TSG101: variants seen among roughly 807,000 people sequenced by gnomAD.
TSG101 encodes the protein tumor susceptibility gene 101 protein.
A neutral mutation model predicts 48.5 loss-of-function variants in TSG101; 19 were observed. The observed-to-expected ratio is 0.39, with a 90% CI of 0.27 to 0.58. TSG101 has a LOEUF of 0.58. Ranked by LOEUF, TSG101 falls within the 20% of genes least tolerant of loss-of-function variation. The pLI is 0.55. For missense variants in TSG101, 365 were observed against 484.4 expected (o/e 0.75, Z 2.31); for synonymous variants, 174 against 169.4 (o/e 1.03, Z -0.21).
chr11:18,496,228 C>G (rs1257174794), intron 7 of TSG101, among the ~76,000 whole-genome samples: 1 of 151,882 alleles, frequency 6.6e-6, no homozygotes, highest in East Asian at 1.9e-4. Context: ...CTTTGGGAGG[C>G]CGAGGCAGGT....
chr11:18,486,465 G>C (rs187188272), intron 7 of TSG101, among the ~76,000 whole-genome samples: 18 of 152,202 alleles, frequency 1.2e-4, no homozygotes, highest in African/African-American at 4.1e-4. Context: ...AAGCCCCTTC[G>C]GCAGTTAAAT....
chr11:18,523,748 C>A (rs1297792969), intron 1 of TSG101, among the ~76,000 whole-genome samples: 4 of 152,200 alleles, frequency 2.6e-5, no homozygotes, highest in Non-Finnish European at 1.5e-5. Flanking sequence ...GTGATCCGCC[C>A]ACCTCAGCCT....
At chr11:18,490,658 AAC>A (rs576998535) in intron 7 of TSG101, 37 of 446,728 alleles carry the variant, frequency 8.3e-5, no homozygotes, top group Non-Finnish European at 1.5e-4. Context: ...ATATTTGTCC[AAC>A]AGCTCCAGAA....
At chr11:18,521,070 T>C (rs1031419699) in intron 1 of TSG101, among the ~76,000 whole-genome samples, 1 of 152,044 alleles carries the variant, frequency 6.6e-6, no homozygotes, top group Non-Finnish European at 1.5e-5. Context: ...ATTTTTCTCC[T>C]CTTCTCTGGT....
At chr11:18,499,153 G>A (rs1307466289) in intron 7 of TSG101, among the ~76,000 whole-genome samples, 3 of 146,416 alleles carry the variant, frequency 2.0e-5, no homozygotes, top group African/African-American at 5.0e-5. Flanking sequence ...ACATCCAATA[G>A]TGGTGGCAGG....
chr11:18,522,074 G>C (rs1267466215), intron 1 of TSG101, among the ~76,000 whole-genome samples: 1 of 152,076 alleles, frequency 6.6e-6, no homozygotes, highest in East Asian at 1.9e-4. Flanking sequence ...TTGCTGGTTC[G>C]TTCTCTTATC....
At chr11:18,506,763 A>T in intron 6 of TSG101, 94 bp downstream of exon 6, 1 of 988,852 alleles carries the variant, frequency 1.0e-6, no homozygotes, top group Non-Finnish European at 1.5e-6. Context: ...TTGCAATTAA[A>T]TTTATTTTAA....
At chr11:18,506,948 TA>T in intron 5 of TSG101, 25 bp from the exon 6 acceptor site, 2 of 1,590,358 alleles carry the variant, frequency 1.3e-6, no homozygotes, top group Non-Finnish European at 1.7e-6. Flanking sequence ...TTTCACATTG[TA>T]AAAATAATAT....
chr11:18,520,063 A>AC (rs1012773461), intron 1 of TSG101, among the ~76,000 whole-genome samples: 1 of 151,858 alleles, frequency 6.6e-6, no homozygotes, highest in Non-Finnish European at 1.5e-5. Flanking sequence ...TTTAGCAATC[A>AC]CCCCCCATTC....
chr11:18,496,473 A>C (rs1849782336), intron 7 of TSG101, among the ~76,000 whole-genome samples: 1 of 147,270 alleles, frequency 6.8e-6, no homozygotes, highest in Admixed American at 6.8e-5. Context: ...AAAATAAAAT[A>C]AAATAAAATA....
intron 3 of TSG101, among the ~76,000 whole-genome samples, chr11:18,515,433 T>A (rs985642926): frequency 6.6e-6 from 1 of 152,158 alleles, no homozygotes; most frequent in African/African-American, 2.4e-5. Flanking sequence ...AAAAACAAAA[T>A]GGTCTCTCAT....
intron 6 of TSG101, among the ~76,000 whole-genome samples, chr11:18,503,945 T>C (rs1407015033): frequency 6.6e-6 from 1 of 152,186 alleles, no homozygotes; most frequent in African/African-American, 2.4e-5. Context: ...GGATCACACC[T>C]GTAATCCTAG....
intron 1 of TSG101, 112 bp from the exon 2 acceptor site, chr11:18,519,715 G>C (rs1328977380): frequency 2.7e-6 from 2 of 737,702 alleles, no homozygotes; most frequent in South Asian, 1.9e-5. Flanking sequence ...ATGAAAGCCT[G>C]AAAGAACCTA....
intron 4 of TSG101, among the ~76,000 whole-genome samples, chr11:18,514,016 G>A (rs1292697790): frequency 6.6e-6 from 1 of 151,968 alleles, no homozygotes; most frequent in African/African-American, 2.4e-5. Context: ...CCTGGGAGGT[G>A]GAGGTTGTAA....
At chr11:18,525,613 C>T (rs958666476) in intron 1 of TSG101, 9 of 838,864 alleles carry the variant, frequency 1.1e-5, no homozygotes, top group African/African-American at 1.9e-5. Context: ...AACAATATAC[C>T]GTTTTTTTCA....
At chr11:18,488,794 G>C (rs1022942684) in intron 7 of TSG101, among the ~76,000 whole-genome samples, 1 of 152,104 alleles carries the variant, frequency 6.6e-6, no homozygotes, top group African/African-American at 2.4e-5. Context: ...CAGAAATTTA[G>C]AGAGGAGGGA....
At chr11:18,483,717 A>G in intron 8 of TSG101, 153 bp downstream of exon 8, 1 of 775,792 alleles carries the variant, frequency 1.3e-6, no homozygotes, top group Non-Finnish European at 2.0e-6. Flanking sequence ...GCTCCACTGT[A>G]AACAAAGGTA....
rs541941128 is a variant in TSG101, at chr11:18,496,500, A to C, written c.640+5986T>G. Among the ~76,000 whole-genome samples the C allele has an allele frequency of 2.0e-3, 271 of 137,114 alleles. 4 individuals carry two copies. Among genetic ancestry groups the C allele is most frequent in the East Asian group, 6.1e-3 (24 of 3,954 alleles). The allele number at this position is 137,114 out of a possible 152,430, so 90.0% of individuals were successfully genotyped here. On this transcript the variant is annotated intron_variant, in intron 7 of 9. Transcript: ENST00000251968. Reference sequence around the variant, plus strand: ...AATAAAATAAAATAAAATAAAATAAAATAAAATAAATCTACAGAGTGAAAC... The same window carrying C: ...AATAAAATAAAATAAAATAAAATAACATAAAATAAATCTACAGAGTGAAAC...
intron 1 of TSG101, among the ~76,000 whole-genome samples, chr11:18,523,727 C>A (rs1850319760): frequency 6.6e-6 from 1 of 152,192 alleles, no homozygotes; most frequent in Admixed American, 6.5e-5. Flanking sequence ...GTCCAAAACT[C>A]CTGACCTCAA....
Sources: allele counts gnomAD v4.1 joint callset (sites outside exome capture counted in the v4.1 genomes callset), GRCh38; gene constraint gnomAD v4.1.1; transcripts MANE v1.5; gene names NCBI Gene and HGNC (gene_info 2026-07-23, HGNC 2026-07-21).